The following TP63 variants were observed in gnomAD, a reference collection of about 807,000 sequenced individuals.
The protein encoded by TP63 is tumor protein p63.
A neutral mutation model predicts 82.8 loss-of-function variants in TP63; 17 were observed. The ratio of observed to expected loss-of-function variants is 0.21; its 90% CI spans 0.14 to 0.31. The LOEUF (loss-of-function observed/expected upper bound fraction) is 0.31. Among genes scored for constraint, TP63 ranks in the 10% least tolerant of loss-of-function variants. TP63 has a pLI of 1.00. For missense variants in TP63, 648 were observed against 895.3 expected, an observed-to-expected ratio of 0.72 and a Z score of 3.52; for synonymous variants, 330 against 321.7, an observed-to-expected ratio of 1.03 and a Z score of -0.28.
intron 10 of TP63, among the ~76,000 whole-genome samples, chr3:189,886,073 G>A (rs897486498): frequency 6.6e-6 from 1 of 152,168 alleles, no homozygotes; most frequent in Non-Finnish European, 1.5e-5. Context: ...GAGTTGAAGG[G>A]AAAAGAGGAG....
chr3:189,657,570 T>C (rs1713494375), intron 1 of TP63, among the ~76,000 whole-genome samples: 1 of 152,084 alleles, frequency 6.6e-6, no homozygotes, highest in South Asian at 2.1e-4. Context: ...TTTAACAATA[T>C]TGCAACAACA....
At chr3:189,623,259 A>G in the TP63 span, among the ~76,000 whole-genome samples, 2 of 152,182 alleles carry the variant, frequency 1.3e-5, no homozygotes, top group East Asian at 3.8e-4. Flanking sequence ...TTGTGAATCT[A>G]TGTCTGAAAG....
At chr3:189,671,103 AAGAG>A (rs1714850050) in intron 1 of TP63, among the ~76,000 whole-genome samples, 1 of 152,132 alleles carries the variant, frequency 6.6e-6, no homozygotes, top group Non-Finnish European at 1.5e-5. Flanking sequence ...AACCTGTAGA[AAGAG>A]AGAAAATGTT....
chr3:189,820,727 A>T (rs1728713420), intron 4 of TP63, among the ~76,000 whole-genome samples: 1 of 152,218 alleles, frequency 6.6e-6, no homozygotes, highest in African/African-American at 2.4e-5. Context: ...ATGGATATAA[A>T]CTTCTAATAT....
intron 5 of TP63, among the ~76,000 whole-genome samples, chr3:189,865,509 A>G (rs3773926): frequency 0.13 from 20,105 of 152,178 alleles, 1,551 homozygotes; most frequent in African/African-American, 0.22. Context: ...AAGCATAAGC[A>G]ATCCTCAAAG....
At chr3:189,664,644 G>A (rs1188082950) in intron 1 of TP63, among the ~76,000 whole-genome samples, 1 of 152,098 alleles carries the variant, frequency 6.6e-6, no homozygotes, top group East Asian at 1.9e-4. Context: ...AAATGTGACA[G>A]TAAGACTTTA....
At chr3:189,794,614 A>G (rs1725505940) in intron 3 of TP63, among the ~76,000 whole-genome samples, 1 of 152,060 alleles carries the variant, frequency 6.6e-6, no homozygotes, top group Non-Finnish European at 1.5e-5. Context: ...TGAGACGATC[A>G]GGAAATAAAG....
chr3:189,693,835 A>G (rs980722537), intron 1 of TP63, among the ~76,000 whole-genome samples: 6 of 152,166 alleles, frequency 3.9e-5, no homozygotes, highest in Non-Finnish European at 7.4e-5. Flanking sequence ...AGGTGGTGAT[A>G]ACAAAGATAA....
At chr3:189,674,083 G>A (rs993766414) in intron 1 of TP63, among the ~76,000 whole-genome samples, 2 of 152,160 alleles carry the variant, frequency 1.3e-5, no homozygotes, top group East Asian at 3.9e-4. Context: ...GGCTTATTTA[G>A]CCTTTTATTT....
At chr3:189,790,980 G>A (rs946750224) in intron 3 of TP63, among the ~76,000 whole-genome samples, 1 of 152,102 alleles carries the variant, frequency 6.6e-6, no homozygotes, top group Non-Finnish European at 1.5e-5. Context: ...ATCTAAAGAA[G>A]GAAAAGGAAG....
intron 13 of TP63, among the ~76,000 whole-genome samples, chr3:189,892,259 C>T (rs552004122): frequency 1.3e-5 from 2 of 152,128 alleles, no homozygotes; most frequent in African/African-American, 4.8e-5. Flanking sequence ...CTTATTTCCA[C>T]TGGGGAATGT....
At chr3:189,694,957 C>T (rs899391380) in intron 1 of TP63, among the ~76,000 whole-genome samples, 1 of 151,592 alleles carries the variant, frequency 6.6e-6, no homozygotes, top group Non-Finnish European at 1.5e-5. Context: ...ACACGCCCGC[C>T]ACCACACCTG....
chr3:189,854,341 C>G (rs1455583178), intron 4 of TP63, among the ~76,000 whole-genome samples: 2 of 152,200 alleles, frequency 1.3e-5, no homozygotes, highest in African/African-American at 4.8e-5. Context: ...AGCAATTCTC[C>G]TGCTTCATCC....
intron 1 of TP63, among the ~76,000 whole-genome samples, chr3:189,691,960 T>C (rs1716968498): frequency 2.0e-5 from 3 of 152,230 alleles, no homozygotes; most frequent in Admixed American, 2.0e-4. Context: ...CTTGTTAATG[T>C]CAGGACTGAA....
intron 13 of TP63, among the ~76,000 whole-genome samples, chr3:189,893,688 C>T (rs1721243904): frequency 6.6e-6 from 1 of 152,144 alleles, no homozygotes; most frequent in Non-Finnish European, 1.5e-5. Context: ...CCTCTCTGGC[C>T]TTCAGTTGTT....
At chr3:189,677,355 T>TAATTATATATATAAATATATATAAAC (rs1715510794) in intron 1 of TP63, among the ~76,000 whole-genome samples, 2 of 147,086 alleles carry the variant, frequency 1.4e-5, no homozygotes, top group African/African-American at 4.9e-5. Context: ...TATATATAAA[T>TAATTATATATATAAATATATATAAAC]AATTATATAT....
At chr3:189,622,720 C>A in the TP63 span, among the ~76,000 whole-genome samples, 2 of 152,134 alleles carry the variant, frequency 1.3e-5, no homozygotes, top group African/African-American at 2.4e-5. Flanking sequence ...AGAGCTGGGT[C>A]CATTACAGGC....
intron 3 of TP63, among the ~76,000 whole-genome samples, chr3:189,795,485 A>T (rs1221614312): frequency 6.6e-6 from 1 of 152,034 alleles, no homozygotes; most frequent in Non-Finnish European, 1.5e-5. Context: ...GTAATATTTT[A>T]TATGGTTTGA....
At chr3:189,735,458 C>A (rs1720512315) in intron 1 of TP63, among the ~76,000 whole-genome samples, 1 of 152,198 alleles carries the variant, frequency 6.6e-6, no homozygotes, top group African/African-American at 2.4e-5. Context: ...GATCCTCCAA[C>A]TATACTTACT....
Sources: allele counts gnomAD v4.1 joint callset (sites outside exome capture counted in the v4.1 genomes callset), GRCh38; gene constraint gnomAD v4.1.1; transcripts MANE v1.5; gene names NCBI Gene and HGNC (gene_info 2026-07-23, HGNC 2026-07-21).